DACH2: variants seen among roughly 807,000 people sequenced by gnomAD.
The protein encoded by DACH2 is dachshund family transcription factor 2.
In DACH2, 17 loss-of-function variants were observed where a neutral mutation model predicts 35.8. The observed-to-expected ratio is 0.48, with a 90% CI of 0.33 to 0.71. The LOEUF (loss-of-function observed/expected upper bound fraction) is 0.71, where lower values mean the gene tolerates loss of function less well. DACH2 is among the 30% of genes least tolerant of loss of function. The pLI is 0.02. For synonymous variants in DACH2, 195 were observed against 177.3 expected, an observed-to-expected ratio of 1.10 and a Z score of -0.79; for missense variants, 469 against 472.7, an observed-to-expected ratio of 0.99 and a Z score of 0.07.
At chrX:86,348,697 A>G (rs1281646619) in intron 1 of DACH2, among the ~76,000 whole-genome samples, 1 of 112,456 alleles carries the variant, frequency 8.9e-6, no homozygotes, top group African/African-American at 3.2e-5. Context: ...GGTAAGGTGG[A>G]CATAACTTAT....
chrX:86,652,580 C>T, intron 4 of DACH2, among the ~76,000 whole-genome samples: 1 of 112,090 alleles, frequency 8.9e-6, no homozygotes, highest in Non-Finnish European at 1.9e-5. Flanking sequence ...TATAAACTTT[C>T]CCCTTTCTCT....
At chrX:86,674,767 G>A (rs1017360421) in intron 4 of DACH2, among the ~76,000 whole-genome samples, 1 of 111,144 alleles carries the variant, frequency 9.0e-6, no homozygotes, top group Non-Finnish European at 1.9e-5. Flanking sequence ...AAAATGAAAA[G>A]TATTTCAAGC....
chrX:86,648,733 T>C (rs1303687405), intron 3 of DACH2, among the ~76,000 whole-genome samples: 2 of 110,963 alleles, frequency 1.8e-5, no homozygotes, highest in Non-Finnish European at 3.8e-5. Flanking sequence ...ACACATTATA[T>C]ATGTACAGAT....
chrX:86,497,531 G>A (rs1384691835), intron 2 of DACH2, among the ~76,000 whole-genome samples: 1 of 111,220 alleles, frequency 9.0e-6, no homozygotes, highest in Non-Finnish European at 1.9e-5. Flanking sequence ...AGAGAGGAGA[G>A]GAGCCCTACA....
At chrX:86,800,648 G>A (rs1360353479) in intron 7 of DACH2, among the ~76,000 whole-genome samples, 3 of 111,291 alleles carry the variant, frequency 2.7e-5, no homozygotes, top group African/African-American at 9.8e-5. Flanking sequence ...AGAAGCAACA[G>A]CTTTTTTTGT....
intron 2 of DACH2, among the ~76,000 whole-genome samples, chrX:86,424,374 T>C (rs1841061799): frequency 9.0e-6 from 1 of 111,128 alleles, no homozygotes; most frequent in Middle Eastern, 4.7e-3. Flanking sequence ...ATCAGTGTTT[T>C]GCAGTTTACA....
At chrX:86,338,240 C>T (rs1483940805) in intron 1 of DACH2, among the ~76,000 whole-genome samples, 1 of 111,698 alleles carries the variant, frequency 9.0e-6, no homozygotes, top group Non-Finnish European at 1.9e-5. Flanking sequence ...CAGAACTCTC[C>T]ACCCCAAATC....
intron 5 of DACH2, among the ~76,000 whole-genome samples, chrX:86,706,347 G>A (rs1307482370): frequency 9.0e-6 from 1 of 111,318 alleles, no homozygotes; most frequent in Non-Finnish European, 1.9e-5. Flanking sequence ...ATAAAGGACT[G>A]AAAGGAGGAA....
chrX:86,478,590 T>C (rs2037886604), intron 2 of DACH2, among the ~76,000 whole-genome samples: 1 of 105,620 alleles, frequency 9.5e-6, no homozygotes, highest in Non-Finnish European at 1.9e-5. Context: ...CACATCTTGC[T>C]ACTTTTAGGA....
At chrX:86,737,841 T>A (rs768958867) in intron 6 of DACH2, among the ~76,000 whole-genome samples, 1 of 111,976 alleles carries the variant, frequency 8.9e-6, no homozygotes, top group Non-Finnish European at 1.9e-5. Context: ...AGGTTTAGGA[T>A]ACTAATGATC....
chrX:86,669,932 CA>C (rs1193080699), intron 4 of DACH2, among the ~76,000 whole-genome samples: 16 of 110,279 alleles, frequency 1.5e-4, no homozygotes, highest in Admixed American at 3.9e-4. Flanking sequence ...AACACTGTCA[CA>C]GGGGTCTCTA....
chrX:86,384,571 C>T (rs777691606), intron 2 of DACH2, among the ~76,000 whole-genome samples: 7 of 111,823 alleles, frequency 6.3e-5, no homozygotes, highest in Non-Finnish European at 1.1e-4. Context: ...TTCAATTGCT[C>T]AATGGGTTCT....
intron 1 of DACH2, among the ~76,000 whole-genome samples, chrX:86,233,392 T>C (rs1215369684): frequency 8.9e-6 from 1 of 112,164 alleles, no homozygotes; most frequent in African/African-American, 3.2e-5. Context: ...CCTACTTCAA[T>C]TCATTTGCCT....
chrX:86,537,669 A>AT (rs763424731), intron 3 of DACH2, among the ~76,000 whole-genome samples: 11 of 111,067 alleles, frequency 9.9e-5, no homozygotes, highest in East Asian at 8.6e-4. Flanking sequence ...CTTTTTAGTT[A>AT]TTTTTTTTCA....
chrX:86,770,657 A>G (rs750039384), intron 7 of DACH2, among the ~76,000 whole-genome samples: 4 of 111,819 alleles, frequency 3.6e-5, no homozygotes, highest in South Asian at 3.7e-4. Flanking sequence ...TACATTCCTT[A>G]TTTTTCCGGG....
chrX:86,276,066 A>T (rs1473422986), intron 1 of DACH2, among the ~76,000 whole-genome samples: 1 of 112,345 alleles, frequency 8.9e-6, no homozygotes. Flanking sequence ...TCTTTTGGGT[A>T]TATACCCAGC....
chrX:86,774,069 C>T (rs1425202954), intron 7 of DACH2, among the ~76,000 whole-genome samples: 1 of 111,038 alleles, frequency 9.0e-6, no homozygotes, highest in African/African-American at 3.3e-5. Context: ...ACTATGTACC[C>T]ACAAAAATTA....
intron 1 of DACH2, among the ~76,000 whole-genome samples, chrX:86,294,834 C>A (rs1474161416): frequency 9.2e-6 from 1 of 108,791 alleles, no homozygotes. Context: ...AGCTGTCAGA[C>A]AGGGACATTT....
chrX:86,549,232 G>A (rs779399265), intron 3 of DACH2, among the ~76,000 whole-genome samples: 4 of 111,744 alleles, frequency 3.6e-5, no homozygotes, highest in Non-Finnish European at 7.5e-5. Context: ...AGACATTTGT[G>A]TATTTTGAGA....
Sources: gnomAD v4.1 joint callset for allele counts (sites outside exome capture counted in the v4.1 genomes callset) on GRCh38, gnomAD v4.1.1 for gene constraint, MANE v1.5 for transcripts, NCBI Gene and HGNC (gene_info 2026-07-23, HGNC 2026-07-21) for gene names.